RIT2: variants seen among roughly 807,000 people sequenced by gnomAD.
The protein encoded by RIT2 is Ras like without CAAX 2.
In RIT2, 24 loss-of-function variants were observed where a neutral mutation model predicts 23.7. That is an observed-to-expected ratio of 1.01 (90% CI 0.73 to 1.43). The LOEUF (loss-of-function observed/expected upper bound fraction) is 1.43. Among genes scored for constraint, RIT2 ranks in the 40% most tolerant of loss-of-function variants. RIT2 has a pLI of 0.00. For missense variants in RIT2, 236 were observed against 266.9 expected, an observed-to-expected ratio of 0.88 and a Z score of 0.81; for synonymous variants, 107 against 91.1, an observed-to-expected ratio of 1.17 and a Z score of -0.99.
At chr18:42,795,272 G>C (rs1280075529) in intron 4 of RIT2, among the ~76,000 whole-genome samples, 1 of 152,208 alleles carries the variant, frequency 6.6e-6, no homozygotes, top group Non-Finnish European at 1.5e-5. Context: ...AGGAACCGGG[G>C]CTGCGTGCAG....
intron 4 of RIT2, among the ~76,000 whole-genome samples, chr18:42,746,517 AT>A (rs907516999): frequency 1.6e-4 from 25 of 152,236 alleles, no homozygotes; most frequent in Middle Eastern, 3.4e-3. Flanking sequence ...TAAAAGGGGA[AT>A]ATTTTATAAT....
intron 3 of RIT2, among the ~76,000 whole-genome samples, chr18:42,972,248 T>C (rs1234528547): frequency 2.0e-5 from 3 of 151,972 alleles, no homozygotes; most frequent in Non-Finnish European, 1.5e-5. Context: ...AATTTTTCCA[T>C]TGTATATATT....
chr18:42,996,516 G>T (rs1358397582), intron 2 of RIT2, among the ~76,000 whole-genome samples: 2 of 151,920 alleles, frequency 1.3e-5, no homozygotes, highest in Admixed American at 6.6e-5. Context: ...AATGAAAATG[G>T]CCTGTTTCTG....
intron 4 of RIT2, among the ~76,000 whole-genome samples, chr18:42,919,242 A>G (rs1019337007): frequency 6.6e-5 from 10 of 152,178 alleles, no homozygotes; most frequent in Admixed American, 4.6e-4. Flanking sequence ...AAGAAATGAA[A>G]CTATTTTAAT....
chr18:43,088,921 T>A (rs527720875), intron 1 of RIT2, among the ~76,000 whole-genome samples: 1 of 152,314 alleles, frequency 6.6e-6, no homozygotes, highest in South Asian at 2.1e-4. Flanking sequence ...GTTTTTATCA[T>A]TGATTATTTT....
At chr18:42,783,957 C>A (rs1913869586) in intron 4 of RIT2, among the ~76,000 whole-genome samples, 1 of 151,946 alleles carries the variant, frequency 6.6e-6, no homozygotes, top group South Asian at 2.1e-4. Context: ...AATTAATCAC[C>A]ATAACTCAGC....
At chr18:42,961,521 TA>T (rs1299109669) in intron 3 of RIT2, among the ~76,000 whole-genome samples, 1 of 152,192 alleles carries the variant, frequency 6.6e-6, no homozygotes, top group African/African-American at 2.4e-5. Flanking sequence ...CTTTCACTCG[TA>T]ACCACACATT....
At chr18:43,020,272 A>G (rs1911565327) in intron 2 of RIT2, among the ~76,000 whole-genome samples, 2 of 151,894 alleles carry the variant, frequency 1.3e-5, no homozygotes, top group South Asian at 4.1e-4. Flanking sequence ...ATCACTTGCT[A>G]TCAAGAGTTC....
intron 4 of RIT2, among the ~76,000 whole-genome samples, chr18:42,914,687 T>G (rs138058731): frequency 6.6e-6 from 1 of 151,992 alleles, no homozygotes; most frequent in Non-Finnish European, 1.5e-5. Flanking sequence ...GAGTTGAGTG[T>G]CTTGATTATG....
intron 2 of RIT2, among the ~76,000 whole-genome samples, chr18:42,993,714 C>G (rs1235570520): frequency 6.6e-6 from 1 of 152,140 alleles, no homozygotes; most frequent in East Asian, 2.0e-4. Context: ...TGCCACCTTT[C>G]CCCCAGTTCA....
intron 3 of RIT2, among the ~76,000 whole-genome samples, chr18:42,928,622 A>T (rs1001136534): frequency 2.6e-5 from 4 of 152,028 alleles, no homozygotes; most frequent in Non-Finnish European, 5.9e-5. Context: ...AGAAAAAATT[A>T]TAAAGGATTA....
intron 4 of RIT2, among the ~76,000 whole-genome samples, chr18:42,868,065 T>C (rs922772284): frequency 1.3e-5 from 2 of 152,330 alleles, no homozygotes; most frequent in Admixed American, 1.3e-4. Flanking sequence ...AAGTTAGTGT[T>C]TGTCTTAACT....
intron 3 of RIT2, among the ~76,000 whole-genome samples, chr18:42,952,822 C>T (rs1909883920): frequency 6.6e-6 from 1 of 151,948 alleles, no homozygotes; most frequent in African/African-American, 2.4e-5. Context: ...TAAAATATTA[C>T]TAGAGCTATC....
chr18:42,769,122 G>C (rs1913490545), intron 4 of RIT2, among the ~76,000 whole-genome samples: 1 of 152,104 alleles, frequency 6.6e-6, no homozygotes, highest in Non-Finnish European at 1.5e-5. Context: ...AGCTAAGATT[G>C]TGAAGTGTTT....
chr18:43,045,326 A>G (rs896913587), intron 1 of RIT2, among the ~76,000 whole-genome samples: 4 of 152,182 alleles, frequency 2.6e-5, no homozygotes, highest in Non-Finnish European at 5.9e-5. Flanking sequence ...CACAGGAGTT[A>G]TTGTAGATGT....
At chr18:43,005,530 G>A (rs1436094720) in intron 2 of RIT2, among the ~76,000 whole-genome samples, 1 of 151,708 alleles carries the variant, frequency 6.6e-6, no homozygotes, top group Non-Finnish European at 1.5e-5. Flanking sequence ...TCTAAAGTAA[G>A]TCTCCTGCTG....
chr18:43,050,627 C>T (rs946961236), intron 1 of RIT2, among the ~76,000 whole-genome samples: 4 of 152,002 alleles, frequency 2.6e-5, no homozygotes, highest in Non-Finnish European at 4.4e-5. Flanking sequence ...AAACGGAATC[C>T]CCTTCTGTCC....
chr18:43,069,519 T>G (rs1912851041), intron 1 of RIT2, among the ~76,000 whole-genome samples: 1 of 152,190 alleles, frequency 6.6e-6, no homozygotes, highest in Non-Finnish European at 1.5e-5. Context: ...TAATTCCGTC[T>G]AGACTTGGCT....
chr18:42,916,697 T>C (rs1908918113), intron 4 of RIT2, among the ~76,000 whole-genome samples: 2 of 152,096 alleles, frequency 1.3e-5, no homozygotes, highest in African/African-American at 4.8e-5. Context: ...CCAGTATTTA[T>C]TGAGGCGCTA....
Sources: gnomAD v4.1 joint callset for allele counts (sites outside exome capture counted in the v4.1 genomes callset) on GRCh38, gnomAD v4.1.1 for gene constraint, MANE v1.5 for transcripts, NCBI Gene and HGNC (gene_info 2026-07-23, HGNC 2026-07-21) for gene names.